The following YEATS2 variants were observed in gnomAD, a reference collection of about 807,000 sequenced individuals.
YEATS2 encodes YEATS domain containing 2, also known as YEATS domain-containing protein 2.
Under a neutral mutation model 163.2 loss-of-function variants are expected in YEATS2, and 77 were observed. That is an observed-to-expected ratio of 0.47 (90% CI 0.39 to 0.57). The LOEUF (loss-of-function observed/expected upper bound fraction) is 0.57, where lower values mean the gene tolerates loss of function less well. Ranked by LOEUF, YEATS2 falls within the 20% of genes least tolerant of loss-of-function variation. The pLI, the probability that YEATS2 is intolerant of heterozygous loss-of-function variation, is 0.00. For synonymous variants in YEATS2, 631 were observed against 645.1 expected (o/e 0.98, Z 0.33); for missense variants, 1,549 against 1,729.8 (o/e 0.90, Z 1.85).
chr3:183,711,336 G>A (rs191658215), intron 1 of YEATS2, among the ~76,000 whole-genome samples: 1 of 152,058 alleles, frequency 6.6e-6, no homozygotes, highest in Non-Finnish European at 1.5e-5. Context: ...AGCCGGGCGT[G>A]GTGGAGGGCA....
intron 6 of YEATS2, 60 bp from the exon 7 acceptor site, chr3:183,728,627 AATT>A: frequency 7.1e-7 from 1 of 1,417,540 alleles, no homozygotes; most frequent in Non-Finnish European, 9.4e-7. Flanking sequence ...AGTAGGACTT[AATT>A]ATTTAGTTAG....
chr3:183,780,537 CATTT>C (rs759606408), intron 19 of YEATS2, among the ~76,000 whole-genome samples: 1 of 152,144 alleles, frequency 6.6e-6, no homozygotes, highest in Non-Finnish European at 1.5e-5. Context: ...CAGTAGAATG[CATTT>C]ATTTATTTAT....
At chr3:183,749,852 C>G (rs1460438088) in intron 9 of YEATS2, among the ~76,000 whole-genome samples, 1 of 152,110 alleles carries the variant, frequency 6.6e-6, no homozygotes, top group African/African-American at 2.4e-5. Flanking sequence ...GAGTCTCGCT[C>G]TGTTGCCCAG....
intron 1 of YEATS2, among the ~76,000 whole-genome samples, chr3:183,712,509 C>T (rs1242277902): frequency 3.3e-5 from 5 of 151,924 alleles, no homozygotes; most frequent in Admixed American, 3.3e-4. Context: ...CCGCAGCCAG[C>T]CTAATTTTAT....
At chr3:183,746,858 C>G (rs1719600961) in intron 8 of YEATS2, among the ~76,000 whole-genome samples, 1 of 152,004 alleles carries the variant, frequency 6.6e-6, no homozygotes, top group Non-Finnish European at 1.5e-5. Context: ...TCTCATAAGC[C>G]TTTAAAACCT....
intron 4 of YEATS2, among the ~76,000 whole-genome samples, chr3:183,719,449 G>GT (rs1716264336): frequency 6.6e-6 from 1 of 152,026 alleles, no homozygotes; most frequent in South Asian, 2.1e-4. Context: ...TCATTTTTAC[G>GT]TAATTCTTTT....
chr3:183,761,374 A>G (rs1721332120), intron 13 of YEATS2, 133 bp from the exon 14 acceptor site: 1 of 845,972 alleles, frequency 1.2e-6, no homozygotes, highest in Admixed American at 2.2e-5. Flanking sequence ...GGCGTGAGCT[A>G]CCGCACCCAG....
In YEATS2 at chr3:183,730,052, G is replaced by GTTTGTTTTTTTTT. The variant is rs1560244258; in HGVS notation, c.812+1204_812+1205insGTTTTTTTTTTTT. ...ATATTAATTGTGTGGTTTTTTGTTT[G>GTTTGTTTTTTTTT]TTTTTTTTTTTTTTTTTTTTTTTTT... On this transcript the variant is annotated intron_variant, in intron 7 of 30. Coordinates refer to ENST00000305135, the MANE Select transcript of YEATS2 (RefSeq NM_018023.5). Among the ~76,000 whole-genome samples, 12 of 41,718 alleles carry GTTTGTTTTTTTTT rather than the reference G, an allele frequency of 2.9e-4. 1 individual carries two copies. Among genetic ancestry groups the GTTTGTTTTTTTTT allele is most frequent in the East Asian group, 2.3e-3 (2 of 886 alleles). The allele number at this position is 41,718 out of a possible 152,430, so 27.4% of individuals were successfully genotyped here.
chr3:183,710,374 C>A (rs996990867), intron 1 of YEATS2, among the ~76,000 whole-genome samples: 2 of 152,142 alleles, frequency 1.3e-5, no homozygotes, highest in African/African-American at 4.8e-5. Context: ...AGCAGATGTG[C>A]CTAGTCTTAG....
intron 19 of YEATS2, among the ~76,000 whole-genome samples, chr3:183,778,130 A>AG (rs1229059004): frequency 6.9e-6 from 1 of 145,730 alleles, no homozygotes; most frequent in Non-Finnish European, 1.5e-5. Context: ...AAAAAAAAAG[A>AG]AAAAAAAAGA....
intron 8 of YEATS2, among the ~76,000 whole-genome samples, chr3:183,743,223 A>G (rs1577094193): frequency 6.6e-6 from 1 of 152,206 alleles, no homozygotes; most frequent in Non-Finnish European, 1.5e-5. Flanking sequence ...AGAAAAATAA[A>G]ACAAAAGAAA....
chr3:183,742,226 TAAAA>T (rs547731750), intron 8 of YEATS2, among the ~76,000 whole-genome samples: 4 of 150,660 alleles, frequency 2.7e-5, no homozygotes, highest in African/African-American at 9.8e-5. Context: ...AAATAAAAAA[TAAAA>T]AAAAGGAAAA....
chr3:183,719,692 G>A (rs1327518410), intron 4 of YEATS2, among the ~76,000 whole-genome samples: 5 of 151,568 alleles, frequency 3.3e-5, no homozygotes, highest in Admixed American at 1.3e-4. Flanking sequence ...TTTTAAAAGA[G>A]ACATGGTATG....
chr3:183,808,802 G>C (rs1201795037), intron 29 of YEATS2: 1 of 263,054 alleles, frequency 3.8e-6, no homozygotes, highest in East Asian at 1.0e-4. Context: ...GTTGCACTGA[G>C]CCAAGATCGC....
chr3:183,704,610 T>C (rs1163288759), intron 1 of YEATS2, among the ~76,000 whole-genome samples: 1 of 152,128 alleles, frequency 6.6e-6, no homozygotes, highest in Non-Finnish European at 1.5e-5. Flanking sequence ...CTTCATATCT[T>C]ACTGTATGAT....
At chr3:183,760,066 G>A (rs1721181079) in intron 13 of YEATS2, among the ~76,000 whole-genome samples, 1 of 152,140 alleles carries the variant, frequency 6.6e-6, no homozygotes, top group Non-Finnish European at 1.5e-5. Context: ...AGACACTAAT[G>A]ATGATATTGA....
In YEATS2 at chr3:183,724,476, G is replaced by T; in HGVS notation, c.595G>T (p.Asp199Tyr). 6.2e-7 allele frequency: 1 copy of T among 1,613,986 alleles called. No individual in the cohort carries two copies. Among genetic ancestry groups the T allele is most frequent in the Non-Finnish European group, 8.5e-7 (1 of 1,179,954 alleles). ...KTEQRNADLTDETSRLFVKKT... is the reference protein window; with the variant it reads ...KTEQRNADLTYETSRLFVKKT... ...AGAACAGCGGAATGCTGATCTCACA[G>T]ATGAGACTTCACGACTTTTTGTAAA... Residue 199 changes from aspartate (D) to tyrosine (Y), a missense_variant, in exon 6 of 31, where the codon GAT (aspartate) becomes TAT (tyrosine). Transcript: ENST00000305135.
intron 11 of YEATS2, 105 bp downstream of exon 11, chr3:183,754,470 A>T: frequency 6.9e-7 from 1 of 1,448,506 alleles, no homozygotes; most frequent in Non-Finnish European, 9.2e-7. Flanking sequence ...AGTTCTTCTA[A>T]GCAGTGTTAT....
chr3:183,718,500 C>A lies in YEATS2; in HGVS notation c.199C>A (p.Arg67=), dbSNP rs773329589. 4.4e-6 allele frequency: 7 copies of A among 1,608,120 alleles called. No homozygotes were observed. The Admixed American group carries it at 5.1e-5, about 12-fold the overall frequency. ...KEHEIEVIDQ[R]LIEARRMMDK... is the part of the protein sequence containing the mutation. Reference sequence around the variant, plus strand: ...GTAATGAGTTAACATTTGTTTTTAGCGACTGATTGAAGCAAGAAGGATGAT... The same window carrying A: ...GTAATGAGTTAACATTTGTTTTTAGAGACTGATTGAAGCAAGAAGGATGAT... The change falls in exon 4 of 31, where the codon CGA becomes AGA. Residue 67 remains arginine, a splice_region_variant and synonymous_variant. Coordinates refer to ENST00000305135, the MANE Select transcript of YEATS2 (RefSeq NM_018023.5).
Sources: gnomAD v4.1 joint callset for allele counts (sites outside exome capture counted in the v4.1 genomes callset) on GRCh38, gnomAD v4.1.1 for gene constraint, MANE v1.5 for transcripts, NCBI Gene and HGNC (gene_info 2026-07-23, HGNC 2026-07-21) for gene names.